Variants in IL1RAPL1 observed in about 807,000 individuals in gnomAD.
IL1RAPL1 encodes interleukin-1 receptor accessory protein-like 1.
Under a neutral mutation model 48.4 loss-of-function variants are expected in IL1RAPL1, and 3 were observed. That is an observed-to-expected ratio of 0.06 (90% CI 0.03 to 0.16). The LOEUF (loss-of-function observed/expected upper bound fraction) is 0.16, where lower values mean the gene tolerates loss of function less well. Among genes scored for constraint, IL1RAPL1 ranks in the 10% least tolerant of loss-of-function variants. The probability of loss-of-function intolerance (pLI) is 1.00; values close to 1 mark genes in which losing one functional copy is unlikely to be tolerated. For synonymous variants in IL1RAPL1, 185 were observed against 187.7 expected (o/e 0.99, Z 0.12); for missense variants, 349 against 530.6 (o/e 0.66, Z 3.36).
intron 2 of IL1RAPL1, among the ~76,000 whole-genome samples, chrX:29,095,643 T>C (rs1230002952): frequency 9.0e-6 from 1 of 111,645 alleles, no homozygotes; most frequent in African/African-American, 3.2e-5. Flanking sequence ...CCTTAATCTT[T>C]TGGGTAGAAA....
intron 3 of IL1RAPL1, among the ~76,000 whole-genome samples, chrX:29,367,669 C>T (rs1279578891): frequency 1.8e-5 from 2 of 108,647 alleles, no homozygotes; most frequent in African/African-American, 3.3e-5. Flanking sequence ...CAACCTCTGC[C>T]TCCCGGGTTT....
chrX:28,874,674 T>TC (rs2147310631), intron 2 of IL1RAPL1, among the ~76,000 whole-genome samples: 1 of 112,401 alleles, frequency 8.9e-6, no homozygotes, highest in South Asian at 3.7e-4. Context: ...AACATGGTGT[T>TC]ATTATAAGGA....
intron 4 of IL1RAPL1, among the ~76,000 whole-genome samples, chrX:29,398,075 C>T (rs1196187014): frequency 9.0e-6 from 1 of 111,716 alleles, no homozygotes; most frequent in Non-Finnish European, 1.9e-5. Context: ...CAAAGATTAG[C>T]CCCTGTAGTC....
intron 1 of IL1RAPL1, among the ~76,000 whole-genome samples, chrX:28,708,748 A>G (rs1935404903): frequency 9.0e-6 from 1 of 111,559 alleles, no homozygotes; most frequent in Non-Finnish European, 1.9e-5. Context: ...TGTGGGAGTT[A>G]AAAAACTTGA....
intron 1 of IL1RAPL1, among the ~76,000 whole-genome samples, chrX:28,766,830 A>G (rs148332951): frequency 0.018 from 1,982 of 111,556 alleles, 13 homozygotes; most frequent in Non-Finnish European, 0.027. Context: ...ACTCAACATA[A>G]TGACCTTCAG....
intron 6 of IL1RAPL1, among the ~76,000 whole-genome samples, chrX:29,862,771 A>G (rs1428107999): frequency 9.1e-6 from 1 of 110,330 alleles, no homozygotes; most frequent in Non-Finnish European, 1.9e-5. Flanking sequence ...GTAGACATTT[A>G]TTACTGGCTG....
intron 2 of IL1RAPL1, among the ~76,000 whole-genome samples, chrX:28,941,421 A>G (rs1208359580): frequency 9.0e-6 from 1 of 111,129 alleles, no homozygotes; most frequent in Non-Finnish European, 1.9e-5. Flanking sequence ...GAACCTTCAG[A>G]CATCCCTTTT....
At chrX:29,729,467 A>C (rs150648567) in intron 6 of IL1RAPL1, among the ~76,000 whole-genome samples, 2,868 of 111,382 alleles carry the variant, frequency 0.026, 91 homozygotes, top group African/African-American at 0.089. Context: ...CTCTACTTAC[A>C]TGACTTCAGT....
At chrX:28,882,233 A>C (rs973728859) in intron 2 of IL1RAPL1, among the ~76,000 whole-genome samples, 1 of 111,645 alleles carries the variant, frequency 9.0e-6, no homozygotes, top group Non-Finnish European at 1.9e-5. Context: ...ACAAGTTATC[A>C]GTGAATTTCT....
chrX:29,851,622 A>G (rs918469791), intron 6 of IL1RAPL1, among the ~76,000 whole-genome samples: 1 of 111,070 alleles, frequency 9.0e-6, no homozygotes, highest in Non-Finnish European at 1.9e-5. Context: ...TGTCATGCCT[A>G]CCCCTTTGAG....
chrX:28,790,349 G>A (rs1936522282), intron 2 of IL1RAPL1, among the ~76,000 whole-genome samples: 1 of 112,596 alleles, frequency 8.9e-6, no homozygotes, highest in Admixed American at 9.4e-5. Context: ...GTTCAGAAAG[G>A]AAAGGGAATG....
chrX:29,692,614 G>T (rs1355126573), intron 6 of IL1RAPL1, among the ~76,000 whole-genome samples: 1 of 112,092 alleles, frequency 8.9e-6, no homozygotes, highest in Non-Finnish European at 1.9e-5. Context: ...GGAGTCAAGA[G>T]CATCTCTTCT....
rs770014575 is a variant in IL1RAPL1, at chrX:29,141,022, TC to T, written c.83-141915del. Among the ~76,000 whole-genome samples, 35 of 110,855 alleles carry T rather than the reference TC, an allele frequency of 3.2e-4. 1 individual carries two copies. In the South Asian group the frequency reaches 0.012, roughly 39 times the overall value. ...ATCTGTCTTATGCATTTACTATATA[TC>T]AAGTACTTTAGAAACCTCATTGTAC... On this transcript the variant is annotated intron_variant, in intron 2 of 10. Transcript: ENST00000378993.
Position 29,255,399 on chromosome X carries a change from G to A in IL1RAPL1, c.83-27539G>A, listed in dbSNP as rs141117907. The stretch of plus-strand genomic sequence containing the variant: ...ATATGACCCCCATCCCACCTAGTCC[G>A]ATATTAACCCTATAAAATGTCTCAA... On this transcript the variant is annotated intron_variant, in intron 2 of 10. Coordinates refer to ENST00000378993, the MANE Select transcript of IL1RAPL1 (RefSeq NM_014271.4). 1.7e-3 allele frequency among the ~76,000 whole-genome samples: 181 copies of A among 109,404 alleles called. 1 individual carries two copies. The highest frequency in any genetic ancestry group is 5.6e-3 in the African/African-American group (169 of 30,082).
chrX:29,650,720 A>C, intron 5 of IL1RAPL1, among the ~76,000 whole-genome samples: 1 of 111,028 alleles, frequency 9.0e-6, no homozygotes, highest in African/African-American at 3.3e-5. Flanking sequence ...TTGGGCAATG[A>C]TTTTTTGGAT....
At chrX:29,109,358 G>T (rs1182290329) in intron 2 of IL1RAPL1, among the ~76,000 whole-genome samples, 5 of 107,943 alleles carry the variant, frequency 4.6e-5, no homozygotes, top group African/African-American at 1.3e-4. Context: ...TAAGCTTGGG[G>T]TAGCTCAAGG....
intron 5 of IL1RAPL1, among the ~76,000 whole-genome samples, chrX:29,490,791 G>A (rs139245423): frequency 0.014 from 1,415 of 104,236 alleles, 35 homozygotes; most frequent in African/African-American, 0.054. Context: ...TCATCGCTAT[G>A]TAAGTCCCTT....
At chrX:29,792,319 A>C (rs1320499997) in intron 6 of IL1RAPL1, among the ~76,000 whole-genome samples, 1 of 111,880 alleles carries the variant, frequency 8.9e-6, no homozygotes, top group Non-Finnish European at 1.9e-5. Context: ...GTCCTCACTG[A>C]GTCTTGAAAT....
At chrX:29,802,534 AT>A (rs1388510025) in intron 6 of IL1RAPL1, among the ~76,000 whole-genome samples, 3 of 106,985 alleles carry the variant, frequency 2.8e-5, no homozygotes, top group South Asian at 8.1e-4. Context: ...GGCTTTTAAT[AT>A]TTTTTTTCAT....
Sources: gnomAD v4.1 joint callset for allele counts (sites outside exome capture counted in the v4.1 genomes callset) on GRCh38, gnomAD v4.1.1 for gene constraint, MANE v1.5 for transcripts, NCBI Gene and HGNC (gene_info 2026-07-23, HGNC 2026-07-21) for gene names.